The following DDX60L variants were observed in gnomAD, a reference collection of about 807,000 sequenced individuals.
DDX60L encodes probable ATP-dependent RNA helicase DDX60-like.
DDX60L carries 191 observed loss-of-function variants against 211.6 expected under a neutral mutation model. That is an observed-to-expected ratio of 0.90 (90% CI 0.80 to 1.02). DDX60L has a LOEUF of 1.02. DDX60L is among the 50% of genes least tolerant of loss of function. The pLI is 0.00. For missense variants in DDX60L, 2,007 were observed against 1,984.1 expected, an observed-to-expected ratio of 1.01 and a Z score of -0.22; for synonymous variants, 706 against 694.1, an observed-to-expected ratio of 1.02 and a Z score of -0.27.
intron 36 of DDX60L, among the ~76,000 whole-genome samples, chr4:168,368,186 C>G (rs1740317645): frequency 6.6e-6 from 1 of 152,154 alleles, no homozygotes; most frequent in African/African-American, 2.4e-5. Flanking sequence ...TCTGGAAACC[C>G]AGGAGGAAAA....
In DDX60L at chr4:168,395,937, T is replaced by C. The variant is rs764259561; in HGVS notation, c.3657+22A>G. ...AAAATGTCACAACTGTAACGTATTA[T>C]ATTAATAATTCTCTGACGTACTGAG... On this transcript the variant is annotated intron_variant, in intron 27 of 37. Transcript: ENST00000682922. 9 of 1,508,678 alleles carry C rather than the reference T, an allele frequency of 6.0e-6. No individual in the cohort carries two copies. The Admixed American group carries it at 1.1e-4, about 19-fold the overall frequency. The allele number at this position is 1,508,678 out of a possible 1,614,324, so 93.5% of individuals were successfully genotyped here. A position where few individuals can be genotyped will look rare whatever the true frequency, so the allele number is the denominator to read the frequency against.
chr4:168,419,355 C>T lies in DDX60L; in HGVS notation c.2557G>A (p.Ala853Thr). The T allele has an allele frequency of 6.3e-7, 1 of 1,598,460 alleles. No individual in the cohort carries two copies. The highest frequency in any genetic ancestry group is 8.5e-7 in the Non-Finnish European group (1 of 1,171,430). The change falls in exon 19 of 38, where the codon GCT (alanine) becomes ACT (threonine). Residue 853 changes from alanine (A) to threonine (T), a missense_variant. Ala to Thr is a moderately conservative substitution (Grantham distance 58). Transcript: ENST00000682922. The part of the protein sequence containing the change: ...VPECFEILLL[A>T]PHRQKWVERI... ...TCCACCCATTTTTGGCGATGAGGAG[C>T]AAGCAACAGGATTTCAAAACATTCC...
At chr4:168,423,566 T>C (rs1750983536) in intron 15 of DDX60L, 42 bp downstream of exon 15, 3 of 1,271,898 alleles carry the variant, frequency 2.4e-6, no homozygotes, top group African/African-American at 1.9e-5. Context: ...CATATTAAAA[T>C]TGAGTAAAAA....
chr4:168,450,293 CA>C (rs1243452027), intron 8 of DDX60L, among the ~76,000 whole-genome samples: 1 of 152,074 alleles, frequency 6.6e-6, no homozygotes, highest in African/African-American at 2.4e-5. Context: ...GGTCCCCATC[CA>C]GGAACTGACT....
At chr4:168,462,749 G>A (rs1378598837) in intron 4 of DDX60L, among the ~76,000 whole-genome samples, 1 of 152,076 alleles carries the variant, frequency 6.6e-6, no homozygotes. Flanking sequence ...GGAGGCGGAG[G>A]TTGCAGTGAG....
intron 26 of DDX60L, among the ~76,000 whole-genome samples, chr4:168,399,944 A>T (rs761330837): frequency 5.3e-5 from 8 of 152,160 alleles, no homozygotes; most frequent in Non-Finnish European, 1.0e-4. Flanking sequence ...TGTACAGATT[A>T]TTTCATAACC....
chr4:168,450,013 T>C (rs959172288), intron 8 of DDX60L, among the ~76,000 whole-genome samples: 2 of 152,158 alleles, frequency 1.3e-5, no homozygotes, highest in South Asian at 2.1e-4. Context: ...GAAACAAAGA[T>C]GATAACAGCC....
At chr4:168,389,764 T>C (rs1744474456) in intron 29 of DDX60L, among the ~76,000 whole-genome samples, 1 of 152,224 alleles carries the variant, frequency 6.6e-6, no homozygotes, top group South Asian at 2.1e-4. Flanking sequence ...TTGGAAGATG[T>C]GTCAAAATAC....
In DDX60L at chr4:168,405,857, A is replaced by G. The variant is rs1747659822; in HGVS notation, c.3213+93T>C. ...ATTACTAAAACAAAAATCGGAATAA[A>G]AAGATTACAAAACATTTATTGGCTA... On this transcript the variant is annotated intron_variant, in intron 24 of 37. Coordinates refer to ENST00000682922, the MANE Select transcript of DDX60L (RefSeq NM_001012967.3). 5.2e-6 allele frequency: 7 copies of G among 1,356,054 alleles called. No individual in the cohort carries two copies. In the South Asian group the frequency reaches 9.5e-5, roughly 18 times the overall value. The allele number at this position is 1,356,054 out of a possible 1,614,324, so 84.0% of individuals were successfully genotyped here. A position where few individuals can be genotyped will look rare whatever the true frequency, so the allele number is the denominator to read the frequency against.
At chr4:168,423,098 G>C (rs1182152734) in intron 15 of DDX60L, among the ~76,000 whole-genome samples, 1 of 152,074 alleles carries the variant, frequency 6.6e-6, no homozygotes, top group Non-Finnish European at 1.5e-5. Context: ...TGAGATTACA[G>C]GCGTGAGCTA....
At chr4:168,389,048 T>C (rs1744367041) in intron 29 of DDX60L, among the ~76,000 whole-genome samples, 1 of 152,224 alleles carries the variant, frequency 6.6e-6, no homozygotes, top group Non-Finnish European at 1.5e-5. Flanking sequence ...CAGACTGTGG[T>C]AGGCAGCTTT....
At chr4:168,449,238 A>G (rs1458822774) in intron 8 of DDX60L, among the ~76,000 whole-genome samples, 1 of 151,994 alleles carries the variant, frequency 6.6e-6, no homozygotes, top group Non-Finnish European at 1.5e-5. Context: ...TTTAGCCAAG[A>G]CCTTAAGATT....
chr4:168,420,666 T>C (rs561444674), intron 17 of DDX60L, among the ~76,000 whole-genome samples: 1 of 139,872 alleles, frequency 7.1e-6, no homozygotes, highest in African/African-American at 2.7e-5. Context: ...GATAGATAGA[T>C]AGATAGATAG....
rs749402043 is a variant in DDX60L, at chr4:168,432,562, G to T, written c.1409C>A (p.Pro470Gln). ...TTGTTTAAACAGTGAAGGAACAACCGGATCATCACTGTAAAAATAAATACA... is the reference window on the plus strand; with the variant it reads ...TTGTTTAAACAGTGAAGGAACAACCTGATCATCACTGTAAAAATAAATACA... ...KDLPILKSDD[P>Q]VVPSLFKQKT... is the part of the protein sequence containing the mutation. Residue 470 changes from proline (P) to glutamine (Q), a missense_variant, in exon 12 of 38, where the codon CCG becomes CAG. Coordinates refer to ENST00000682922, the MANE Select transcript of DDX60L (RefSeq NM_001012967.3). 6.4e-7 allele frequency: 1 copy of T among 1,554,024 alleles called. No homozygotes were observed. The highest frequency in any genetic ancestry group is 8.7e-7 in the Non-Finnish European group (1 of 1,148,102).
At chr4:168,442,573 A>C (rs1282895510) in intron 9 of DDX60L, among the ~76,000 whole-genome samples, 9 of 152,166 alleles carry the variant, frequency 5.9e-5, no homozygotes, top group Non-Finnish European at 1.3e-4. Flanking sequence ...CTCTGGGGGC[A>C]GGGCACAGAC....
At chr4:168,405,684 G>A (rs1439535554) in intron 24 of DDX60L, among the ~76,000 whole-genome samples, 1 of 152,100 alleles carries the variant, frequency 6.6e-6, no homozygotes. Context: ...AAAGTTAAAG[G>A]TTCTTCGTTT....
At chr4:168,395,753 C>T (rs180777971) in intron 27 of DDX60L, 2 of 472,122 alleles carry the variant, frequency 4.2e-6, no homozygotes, top group Non-Finnish European at 7.3e-6. Context: ...AAGAGGCTGA[C>T]ATTCACACTG....
intron 22 of DDX60L, among the ~76,000 whole-genome samples, chr4:168,409,352 C>A (rs1748288370): frequency 6.6e-6 from 1 of 152,164 alleles, no homozygotes; most frequent in South Asian, 2.1e-4. Flanking sequence ...ACCAAGAACT[C>A]CAGGCCACTG....
At chr4:168,456,616 A>G (rs1480329719) in intron 6 of DDX60L, among the ~76,000 whole-genome samples, 2 of 152,162 alleles carry the variant, frequency 1.3e-5, no homozygotes, top group Non-Finnish European at 2.9e-5. Flanking sequence ...AAGTACAGGT[A>G]GGTATAGAAT....
Sources: allele counts gnomAD v4.1 joint callset (sites outside exome capture counted in the v4.1 genomes callset), GRCh38; gene constraint gnomAD v4.1.1; transcripts MANE v1.5; gene names NCBI Gene and HGNC (gene_info 2026-07-23, HGNC 2026-07-21).